The following KCNQ5 variants were observed in gnomAD, a reference collection of about 807,000 sequenced individuals.
KCNQ5 encodes the protein potassium voltage-gated channel subfamily KQT member 5.
In KCNQ5, 30 loss-of-function variants were observed where a neutral mutation model predicts 98.2. The observed-to-expected ratio is 0.31, with a 90% CI of 0.23 to 0.41. The LOEUF (loss-of-function observed/expected upper bound fraction) is 0.41, where lower values mean the gene tolerates loss of function less well. KCNQ5 is among the 10% of genes least tolerant of loss of function. The pLI is 1.00. For synonymous variants in KCNQ5, 458 were observed against 449.4 expected, an observed-to-expected ratio of 1.02 and a Z score of -0.24; for missense variants, 835 against 1,182.5, an observed-to-expected ratio of 0.71 and a Z score of 4.31.
intron 5 of KCNQ5, among the ~76,000 whole-genome samples, chr6:73,104,297 T>C (rs1054319167): frequency 6.6e-6 from 1 of 152,100 alleles, no homozygotes; most frequent in African/African-American, 2.4e-5. Flanking sequence ...AGCATTTCTA[T>C]ACATTAACAA....
intron 1 of KCNQ5, among the ~76,000 whole-genome samples, chr6:72,720,041 C>T (rs1178781418): frequency 6.6e-6 from 1 of 152,198 alleles, no homozygotes; most frequent in Admixed American, 6.5e-5. Flanking sequence ...GGTGACCCGC[C>T]GCCATATCTG....
intron 1 of KCNQ5, among the ~76,000 whole-genome samples, chr6:72,995,356 G>A (rs1237407208): frequency 4.0e-5 from 5 of 125,516 alleles, no homozygotes; most frequent in Non-Finnish European, 6.4e-5. Context: ...CAACAAGAGC[G>A]AAACTCTGTC....
chr6:72,627,070 C>G (rs1160505375), intron 1 of KCNQ5, among the ~76,000 whole-genome samples: 1 of 152,146 alleles, frequency 6.6e-6, no homozygotes, highest in Non-Finnish European at 1.5e-5. Flanking sequence ...TAGCAGTGAA[C>G]AAGGCACAGT....
rs528069213 is a variant in KCNQ5, at chr6:73,127,163, C to T, written c.1247+2651C>T. The stretch of plus-strand genomic sequence containing the variant: ...AGTTGTCCTTACCCAAGCAAAATAT[C>T]ACAAAGTAAAATGCATTTATAATGA... On this transcript the variant is annotated intron_variant, in intron 9 of 13. Transcript: ENST00000370398. Among the ~76,000 whole-genome samples, 219 of 152,208 alleles carry T rather than the reference C, an allele frequency of 1.4e-3. 1 individual carries two copies. The highest frequency in any genetic ancestry group is 5.1e-3 in the African/African-American group (212 of 41,532).
intron 1 of KCNQ5, among the ~76,000 whole-genome samples, chr6:72,935,777 T>C (rs766943992): frequency 5.3e-5 from 8 of 152,330 alleles, no homozygotes; most frequent in Non-Finnish European, 7.3e-5. Context: ...ATCTTTTCAA[T>C]GAAACGGTTT....
At chr6:72,703,977 G>C (rs1276511561) in intron 1 of KCNQ5, among the ~76,000 whole-genome samples, 1 of 152,140 alleles carries the variant, frequency 6.6e-6, no homozygotes, top group African/African-American at 2.4e-5. Flanking sequence ...TACTTTGTGT[G>C]CCTTAAAACA....
intron 1 of KCNQ5, among the ~76,000 whole-genome samples, chr6:72,969,443 G>A (rs997030948): frequency 2.6e-5 from 4 of 152,124 alleles, no homozygotes; most frequent in African/African-American, 9.7e-5. Context: ...TCATATGGTT[G>A]AACCTAATGG....
At chr6:73,152,109 C>T (rs1777175470) in intron 10 of KCNQ5, among the ~76,000 whole-genome samples, 1 of 152,300 alleles carries the variant, frequency 6.6e-6, no homozygotes, top group East Asian at 1.9e-4. Context: ...GAAGTACATC[C>T]TATCATACAT....
At chr6:73,068,072 G>T (rs182558181) in intron 3 of KCNQ5, among the ~76,000 whole-genome samples, 3 of 152,198 alleles carry the variant, frequency 2.0e-5, no homozygotes, top group East Asian at 1.9e-4. Context: ...AAGGCTGGTG[G>T]ATCACTTGAG....
rs570862588 is a variant in KCNQ5, at chr6:72,684,866, G to T, written c.398+62279G>T. Among the ~76,000 whole-genome samples the T allele has an allele frequency of 6.6e-5, 10 of 152,274 alleles. 1 individual carries two copies. The South Asian group carries it at 2.1e-3, about 32-fold the overall frequency. On this transcript the variant is annotated intron_variant, in intron 1 of 13. Transcript: ENST00000370398. ...TGTGTGTGTATGTGTGTATTTCTGT[G>T]TGTGTGTATGCGTGTGTGTCTGTCT... is the stretch of plus-strand genomic sequence containing the variant.
At chr6:72,854,266 A>G (rs1211867124) in intron 1 of KCNQ5, among the ~76,000 whole-genome samples, 2 of 19,054 alleles carry the variant, frequency 1.0e-4, no homozygotes, top group African/African-American at 2.1e-4. Flanking sequence ...ATGAATATAA[A>G]TAAATTTTTT....
chr6:73,186,595 T>C (rs1381614586), intron 11 of KCNQ5, among the ~76,000 whole-genome samples: 1 of 152,194 alleles, frequency 6.6e-6, no homozygotes, highest in Non-Finnish European at 1.5e-5. Context: ...ACGAGCAATA[T>C]TACATTATTA....
rs190822661 is a variant in KCNQ5 at position 73,107,473 on chromosome 6, G to A, written c.1029+2106G>A. On this transcript the variant is annotated intron_variant, in intron 6 of 13. Transcript: ENST00000370398. ...AAAGGAAATCTGTGAGTAGCAAGCA[G>A]ACATCAGTGTTCAAAATGTGTATCC... 1.4e-3 allele frequency among the ~76,000 whole-genome samples: 219 copies of A among 152,274 alleles called. 2 individuals carry two copies. Among genetic ancestry groups the A allele is most frequent in the Non-Finnish European group, 2.8e-3 (188 of 68,018 alleles).
At chr6:72,895,593 T>C (rs1422046662) in intron 1 of KCNQ5, among the ~76,000 whole-genome samples, 1 of 150,770 alleles carries the variant, frequency 6.6e-6, no homozygotes, top group Non-Finnish European at 1.5e-5. Flanking sequence ...CCGTGTACAG[T>C]GTAATGAACT....
chr6:72,885,088 A>C (rs1778799755), intron 1 of KCNQ5, among the ~76,000 whole-genome samples: 1 of 152,196 alleles, frequency 6.6e-6, no homozygotes, highest in Admixed American at 6.5e-5. Context: ...AATATGAGAC[A>C]ATAAGCATAA....
At chr6:72,766,499 C>A (rs1772580336) in intron 1 of KCNQ5, among the ~76,000 whole-genome samples, 1 of 151,768 alleles carries the variant, frequency 6.6e-6, no homozygotes, top group African/African-American at 2.4e-5. Context: ...AGCAGAAGAA[C>A]CTATTTGGAG....
intron 3 of KCNQ5, chr6:73,055,492 C>A (rs561201445): frequency 9.4e-5 from 146 of 1,549,864 alleles, no homozygotes; most frequent in Non-Finnish European, 1.3e-4. Flanking sequence ...TCTACAGCAA[C>A]ATCAGTAAGG....
intron 1 of KCNQ5, among the ~76,000 whole-genome samples, chr6:72,967,064 A>G (rs1011739402): frequency 2.6e-5 from 4 of 152,220 alleles, no homozygotes; most frequent in Non-Finnish European, 4.4e-5. Context: ...ACAGAATTTT[A>G]GCATTGGATC....
chr6:73,120,613 G>A, intron 8 of KCNQ5, 36 bp downstream of exon 8: 9 of 1,378,182 alleles, frequency 6.5e-6, no homozygotes, highest in South Asian at 1.2e-5. Flanking sequence ...CTGTAGTTGA[G>A]TCTTTTCAAG....
Sources: gnomAD v4.1 joint callset for allele counts (sites outside exome capture counted in the v4.1 genomes callset) on GRCh38, gnomAD v4.1.1 for gene constraint, MANE v1.5 for transcripts, NCBI Gene and HGNC (gene_info 2026-07-23, HGNC 2026-07-21) for gene names.